Variants in TMTC1 observed in about 807,000 individuals in gnomAD.
The protein encoded by TMTC1 is transmembrane O-mannosyltransferase targeting cadherins 1, also known as protein O-mannosyl-transferase TMTC1.
Under a neutral mutation model 104.8 loss-of-function variants are expected in TMTC1, and 73 were observed. The observed-to-expected ratio is 0.70, with a 90% CI of 0.58 to 0.85. TMTC1 has a LOEUF of 0.85. Ranked by LOEUF, TMTC1 falls within the 40% of genes least tolerant of loss-of-function variation. TMTC1 has a pLI of 0.00. For synonymous variants in TMTC1, 434 were observed against 428.7 expected, an observed-to-expected ratio of 1.01 and a Z score of -0.15; for missense variants, 1,035 against 1,096.1, an observed-to-expected ratio of 0.94 and a Z score of 0.79.
chr12:29,675,169 T>TAA (rs5797333), intron 5 of TMTC1, among the ~76,000 whole-genome samples: 3 of 151,776 alleles, frequency 2.0e-5, no homozygotes, highest in Non-Finnish European at 4.4e-5. Context: ...AAACTGTGTT[T>TAA]AAAAAAATCC....
intron 5 of TMTC1, among the ~76,000 whole-genome samples, chr12:29,708,413 G>C (rs1160132946): frequency 1.3e-5 from 2 of 152,188 alleles, no homozygotes; most frequent in African/African-American, 2.4e-5. Context: ...CCAAAAGTCA[G>C]AGGAACAAAT....
chr12:29,731,487 T>C (rs1209066202), intron 5 of TMTC1, among the ~76,000 whole-genome samples: 2 of 152,200 alleles, frequency 1.3e-5, no homozygotes, highest in Non-Finnish European at 2.9e-5. Context: ...AGCAAAGCAG[T>C]AGAGAGTAAA....
chr12:29,679,275 A>G (rs1940833480), intron 5 of TMTC1, among the ~76,000 whole-genome samples: 1 of 149,862 alleles, frequency 6.7e-6, no homozygotes, highest in African/African-American at 2.5e-5. Flanking sequence ...CAGCAAAACA[A>G]TAATAGAGGT....
In TMTC1 at chr12:29,506,913, T is replaced by C. The variant is rs1943706936; in HGVS notation, c.2582A>G (p.Glu861Gly). Residue 861 changes from glutamate to glycine, a missense_variant, in exon 18 of 18, where the codon GAA becomes GGA. Coordinates refer to ENST00000539277, the MANE Select transcript of TMTC1 (RefSeq NM_001193451.2). ...TAGGCGATCCAATTTGGCAAGATTTTCCTTCAGCAGTTTGCTGTCTGGAAC... is the reference window on the plus strand; with the variant it reads ...TAGGCGATCCAATTTGGCAAGATTTCCCTTCAGCAGTTTGCTGTCTGGAAC... Reference protein sequence around the residue: ...QLVPDSKLLKENLAKLDRLEK... With the variant: ...QLVPDSKLLKGNLAKLDRLEK... The C allele has an allele frequency of 6.2e-7, 1 of 1,614,036 alleles. No homozygotes were observed. The highest frequency in any genetic ancestry group is 1.1e-5 in the South Asian group (1 of 91,090).
At chr12:29,611,089 GTA>G (rs1946832225) in intron 6 of TMTC1, among the ~76,000 whole-genome samples, 2 of 151,998 alleles carry the variant, frequency 1.3e-5, no homozygotes, top group Admixed American at 1.3e-4. Flanking sequence ...ACTGCCAGAT[GTA>G]CTAATGAACA....
At chr12:29,714,770 C>T (rs1397314995) in intron 5 of TMTC1, among the ~76,000 whole-genome samples, 1 of 152,184 alleles carries the variant, frequency 6.6e-6, no homozygotes, top group Non-Finnish European at 1.5e-5. Flanking sequence ...AAATGCTGGG[C>T]ATGATATGTC....
chr12:29,753,141 C>A (rs184945038), intron 4 of TMTC1, among the ~76,000 whole-genome samples: 1 of 152,086 alleles, frequency 6.6e-6, no homozygotes, highest in Non-Finnish European at 1.5e-5. Context: ...CTGAATCATA[C>A]GATGAAAGAT....
chr12:29,509,983 C>T (rs1212342322), intron 17 of TMTC1, among the ~76,000 whole-genome samples: 1 of 152,082 alleles, frequency 6.6e-6, no homozygotes, highest in African/African-American at 2.4e-5. Context: ...CAACTATACC[C>T]ATTATTTTAG....
rs1591833075 is a variant in TMTC1 at position 29,633,461 on chromosome 12, A to G, written c.939-125T>C. 18 of 788,592 alleles carry G rather than the reference A, an allele frequency of 2.3e-5. No homozygotes were observed. The East Asian group carries it at 4.9e-4, about 22-fold the overall frequency. 48.8% of individuals were successfully genotyped at this position (788,592 alleles called of 1,614,324 possible). ...TCAATGTTATCTTGGAGGAGAAGAC[A>G]AGGGAAGATGGAAAGCCATTCACTC... On this transcript the variant is annotated intron_variant, in intron 5 of 17. Transcript: ENST00000539277.
chr12:29,719,041 C>T (rs1314240970), intron 5 of TMTC1, among the ~76,000 whole-genome samples: 1 of 151,818 alleles, frequency 6.6e-6, no homozygotes. Flanking sequence ...AAACAAGCCA[C>T]ATTTTTGCTT....
At chr12:29,646,422 C>CT (rs147707513) in intron 5 of TMTC1, among the ~76,000 whole-genome samples, 2,289 of 152,256 alleles carry the variant, frequency 0.015, 56 homozygotes, top group African/African-American at 0.053. Context: ...GTTCCTTTAA[C>CT]TTTCATCAGC....
chr12:29,760,092 T>C (rs2120372327), intron 2 of TMTC1, among the ~76,000 whole-genome samples: 1 of 152,338 alleles, frequency 6.6e-6, no homozygotes, highest in South Asian at 2.1e-4. Context: ...CAGTATTCAG[T>C]ACGGTAGCCT....
Position 29,768,009 on chromosome 12 carries a change from G to C in TMTC1, c.369C>G (p.Cys123Trp), listed in dbSNP as rs1237199972. 36 of 1,613,734 alleles carry C rather than the reference G, an allele frequency of 2.2e-5. No homozygotes were observed. The highest frequency in any genetic ancestry group is 3.0e-5 in the Non-Finnish European group (35 of 1,179,814). Residue 123 changes from cysteine (C) to tryptophan (W), a missense_variant, in exon 2 of 18, where the codon TGC (cysteine) becomes TGG (tryptophan). Cys to Trp is a radical substitution (Grantham distance 215). Coordinates refer to ENST00000539277, the MANE Select transcript of TMTC1 (RefSeq NM_001193451.2). Reference sequence around the variant, plus strand: ...TGTACATCAGCACAAGAGTCACTAAGCAGTGTAAAATTATATTTACTGCAT... The same window carrying C: ...TGTACATCAGCACAAGAGTCACTAACCAGTGTAAAATTATATTTACTGCAT... Reference protein sequence around the residue: ...YFHAVNIILHCLVTLVLMYTC... With the variant: ...YFHAVNIILHWLVTLVLMYTC...
rs140677387 is a variant in TMTC1, at chr12:29,603,155, A to T, written c.1250+1023T>A. Among the ~76,000 whole-genome samples the T allele has an allele frequency of 5.1e-3, 778 of 152,278 alleles. 12 individuals are homozygous for T. The highest frequency in any genetic ancestry group is 0.032 in the South Asian group (156 of 4,824). On this transcript the variant is annotated intron_variant, in intron 7 of 17. Transcript: ENST00000539277. ...CCCAAATTGGGCTGAAGACACAGTA[A>T]ACAATTAAGGGCTGCTTTCCCCTTA...
At chr12:29,629,447 G>T (rs1349994620) in intron 6 of TMTC1, among the ~76,000 whole-genome samples, 1 of 152,112 alleles carries the variant, frequency 6.6e-6, no homozygotes, top group Non-Finnish European at 1.5e-5. Flanking sequence ...TCCCTAAAAT[G>T]TACAAAAGCA....
chr12:29,578,553 A>C (rs1945887681), intron 8 of TMTC1, among the ~76,000 whole-genome samples: 1 of 152,192 alleles, frequency 6.6e-6, no homozygotes. Flanking sequence ...CCCTGTTAAT[A>C]ATTACAACAG....
At chr12:29,649,243 T>C (rs111248793) in intron 5 of TMTC1, among the ~76,000 whole-genome samples, 2,299 of 152,298 alleles carry the variant, frequency 0.015, 56 homozygotes, top group African/African-American at 0.053. Flanking sequence ...CTTGTTCCTA[T>C]AGAAATTCCA....
intron 5 of TMTC1, among the ~76,000 whole-genome samples, chr12:29,743,546 T>C (rs1241993083): frequency 6.6e-6 from 1 of 152,184 alleles, no homozygotes; most frequent in Non-Finnish European, 1.5e-5. Flanking sequence ...TAAGCATGTA[T>C]ATTTTTAAGG....
At position 29,551,664 on chromosome 12, in the gene TMTC1, T is replaced by G. The variant is rs377091626; in HGVS notation, c.1676+5193A>C. Among the ~76,000 whole-genome samples, 22 of 152,324 alleles carry G rather than the reference T, an allele frequency of 1.4e-4. No individual in the cohort carries two copies. The East Asian group carries it at 3.5e-3, about 24-fold the overall frequency. On this transcript the variant is annotated intron_variant, in intron 10 of 17. Coordinates refer to ENST00000539277, the MANE Select transcript of TMTC1 (RefSeq NM_001193451.2). ...ACCAACAGCTATTTTAACAGAGCAT[T>G]CACAGAAATATTTTTCCCATATCCT...
Sources: gnomAD v4.1 joint callset for allele counts (sites outside exome capture counted in the v4.1 genomes callset) on GRCh38, gnomAD v4.1.1 for gene constraint, MANE v1.5 for transcripts, NCBI Gene and HGNC (gene_info 2026-07-23, HGNC 2026-07-21) for gene names.